Variants in ZFYVE9 observed in about 807,000 individuals in gnomAD.
ZFYVE9 encodes zinc finger FYVE-type containing 9.
ZFYVE9 carries 43 observed loss-of-function variants against 126.7 expected under a neutral mutation model. The observed-to-expected ratio is 0.34, with a 90% CI of 0.27 to 0.44. The LOEUF (loss-of-function observed/expected upper bound fraction) is 0.44, where lower values mean the gene tolerates loss of function less well. Among genes scored for constraint, ZFYVE9 ranks in the 20% least tolerant of loss-of-function variants. ZFYVE9 has a pLI of 1.00. For synonymous variants in ZFYVE9, 521 were observed against 597.4 expected, an observed-to-expected ratio of 0.87 and a Z score of 1.87; for missense variants, 1,476 against 1,697.0, an observed-to-expected ratio of 0.87 and a Z score of 2.29.
In ZFYVE9 at chr1:52,209,862, A is replaced by G. The variant is rs76789016; in HGVS notation, c.-142-6507A>G. Among the ~76,000 whole-genome samples the G allele has an allele frequency of 1.4e-3, 220 of 152,322 alleles. 2 individuals carry two copies. In the East Asian group the frequency reaches 0.034, roughly 23 times the overall value. On this transcript the variant is annotated intron_variant, in intron 1 of 18. Transcript: ENST00000287727. Reference sequence around the variant, plus strand: ...AAGTATGGACTTTATCCTAAGGGCAATAGGATGACATTGAATGATGTTAAG... The same window carrying G: ...AAGTATGGACTTTATCCTAAGGGCAGTAGGATGACATTGAATGATGTTAAG...
intron 1 of ZFYVE9, chr1:52,179,963 A>G: frequency 9.5e-7 from 1 of 1,047,454 alleles, no homozygotes; most frequent in Non-Finnish European, 1.5e-6. Context: ...TCCAGCAGTC[A>G]GTCGTGACAA....
chr1:52,214,922 C>G (rs1331671910), intron 1 of ZFYVE9, among the ~76,000 whole-genome samples: 1 of 152,146 alleles, frequency 6.6e-6, no homozygotes, highest in Non-Finnish European at 1.5e-5. Flanking sequence ...TGGATCATGT[C>G]TGGTCACACT....
chr1:52,177,455 T>C (rs1252264096), intron 1 of ZFYVE9, among the ~76,000 whole-genome samples: 2 of 152,178 alleles, frequency 1.3e-5, no homozygotes, highest in Non-Finnish European at 2.9e-5. Flanking sequence ...CCAAGTCTGA[T>C]GTTTCTTTGT....
chr1:52,246,268 A>G (rs1645382824), intron 4 of ZFYVE9, among the ~76,000 whole-genome samples: 1 of 152,186 alleles, frequency 6.6e-6, no homozygotes, highest in African/African-American at 2.4e-5. Context: ...CTTAAATACT[A>G]TTTCAAAAAG....
At chr1:52,339,859 C>T (rs770103723) in intron 16 of ZFYVE9, among the ~76,000 whole-genome samples, 12 of 152,112 alleles carry the variant, frequency 7.9e-5, no homozygotes, top group South Asian at 4.1e-4. Flanking sequence ...AATTTCTTTA[C>T]GTTAAAGAGA....
In ZFYVE9 at chr1:52,234,357, A is replaced by T. The variant is rs11205943; in HGVS notation, c.70+1081A>T. Reference sequence around the variant, plus strand: ...ACACCTGTGGTCCCAGCTATTTGGGAGGCAAAGGAGGGAGAATCACTTGAG... The same window carrying T: ...ACACCTGTGGTCCCAGCTATTTGGGTGGCAAAGGAGGGAGAATCACTTGAG... On this transcript the variant is annotated intron_variant, in intron 3 of 18. Coordinates refer to ENST00000287727, the MANE Select transcript of ZFYVE9 (RefSeq NM_004799.4). Among the ~76,000 whole-genome samples, 1,205 of 152,266 alleles carry T rather than the reference A, an allele frequency of 7.9e-3. 9 individuals carry two copies. Among genetic ancestry groups the T allele is most frequent in the African/African-American group, 0.027 (1,141 of 41,564 alleles).
chr1:52,274,299 G>A (rs563747862), intron 7 of ZFYVE9, among the ~76,000 whole-genome samples, 165 bp from the exon 8 acceptor site: 1 of 152,010 alleles, frequency 6.6e-6, no homozygotes, highest in Non-Finnish European at 1.5e-5. Context: ...AGCCTGATTT[G>A]TTTTTTTGTT....
intron 15 of ZFYVE9, chr1:52,335,002 A>G (rs1382572498): frequency 2.7e-6 from 1 of 368,812 alleles, no homozygotes; most frequent in Non-Finnish European, 5.0e-6. Flanking sequence ...GCTCTGGGAT[A>G]AGGTACCTGA....
chr1:52,245,831 T>C (rs1326022047), intron 4 of ZFYVE9, among the ~76,000 whole-genome samples: 2 of 152,206 alleles, frequency 1.3e-5, no homozygotes, highest in African/African-American at 4.8e-5. Flanking sequence ...TTCCCATAAA[T>C]AAAGTTGAGA....
intron 2 of ZFYVE9, among the ~76,000 whole-genome samples, chr1:52,228,479 A>G (rs536933374): frequency 6.6e-6 from 1 of 152,338 alleles, no homozygotes; most frequent in Non-Finnish European, 1.5e-5. Flanking sequence ...TGGAAAGACT[A>G]GAACAATTAA....
chr1:52,148,304 G>A (rs959026392), intron 1 of ZFYVE9, among the ~76,000 whole-genome samples: 3 of 151,844 alleles, frequency 2.0e-5, no homozygotes, highest in Non-Finnish European at 4.4e-5. Flanking sequence ...GTGAAACTCT[G>A]TCTCTCCTGA....
chr1:52,179,018 G>A (rs1644669229), intron 1 of ZFYVE9, among the ~76,000 whole-genome samples: 1 of 152,104 alleles, frequency 6.6e-6, no homozygotes, highest in African/African-American at 2.4e-5. Context: ...TGCCCAGGGT[G>A]GTCTTGAACT....
chr1:52,151,928 C>T (rs1388664768), intron 1 of ZFYVE9, among the ~76,000 whole-genome samples: 4 of 152,062 alleles, frequency 2.6e-5, no homozygotes, highest in Admixed American at 6.5e-5. Context: ...TGCAAATGCA[C>T]GTTAGTATTC....
chr1:52,166,948 T>C (rs969211954), intron 1 of ZFYVE9, among the ~76,000 whole-genome samples: 7 of 152,164 alleles, frequency 4.6e-5, no homozygotes, highest in Admixed American at 3.9e-4. Flanking sequence ...TCTGAACAAA[T>C]CTTTTTAAAA....
At chr1:52,261,565 G>T (rs569130307) in intron 4 of ZFYVE9, among the ~76,000 whole-genome samples, 1 of 152,280 alleles carries the variant, frequency 6.6e-6, no homozygotes, top group South Asian at 2.1e-4. Context: ...ATAAATGAGT[G>T]AATGATGGAT....
chr1:52,290,133 G>C (rs1397204564), intron 10 of ZFYVE9, among the ~76,000 whole-genome samples: 1 of 152,196 alleles, frequency 6.6e-6, no homozygotes, highest in Non-Finnish European at 1.5e-5. Context: ...ATTTCCTGTA[G>C]TTCTCATGGC....
intron 9 of ZFYVE9, among the ~76,000 whole-genome samples, chr1:52,279,034 T>C (rs890570474): frequency 2.6e-5 from 4 of 152,026 alleles, no homozygotes; most frequent in Non-Finnish European, 4.4e-5. Flanking sequence ...CCACCGCGCC[T>C]GGCCTAGCCA....
At chr1:52,335,106 A>G (rs2147872107) in intron 15 of ZFYVE9, 1 of 171,126 alleles carries the variant, frequency 5.8e-6, no homozygotes, top group African/African-American at 2.4e-5. Flanking sequence ...TGCTGTGGTC[A>G]TCATTTGGAG....
chr1:52,278,733 T>C, intron 9 of ZFYVE9, 119 bp downstream of exon 9: 210 of 608,130 alleles, frequency 3.5e-4, no homozygotes, highest in East Asian at 6.9e-4. Flanking sequence ...TTTTTTTTCT[T>C]TTTTTTTTTT....
Sources: gnomAD v4.1 joint callset for allele counts (sites outside exome capture counted in the v4.1 genomes callset) on GRCh38, gnomAD v4.1.1 for gene constraint, MANE v1.5 for transcripts, NCBI Gene and HGNC (gene_info 2026-07-23, HGNC 2026-07-21) for gene names.